Variants in PDE7A observed in about 807,000 individuals in gnomAD.
PDE7A encodes the protein phosphodiesterase 7A.
Under a neutral mutation model 64.3 loss-of-function variants are expected in PDE7A, and 39 were observed. The observed-to-expected ratio is 0.61, with a 90% CI of 0.47 to 0.79. PDE7A has a LOEUF of 0.79. Among genes scored for constraint, PDE7A ranks in the 30% least tolerant of loss-of-function variants. The pLI, the probability that PDE7A is intolerant of heterozygous loss-of-function variation, is 0.00. For synonymous variants in PDE7A, 203 were observed against 206.8 expected (o/e 0.98, Z 0.16); for missense variants, 470 against 582.8 (o/e 0.81, Z 1.99).
chr8:65,811,296 A>G (rs1159801920), intron 1 of PDE7A, among the ~76,000 whole-genome samples: 1 of 152,190 alleles, frequency 6.6e-6, no homozygotes, highest in East Asian at 1.9e-4. Flanking sequence ...CAATAGTGGG[A>G]AGATGTTACT....
intron 1 of PDE7A, among the ~76,000 whole-genome samples, chr8:65,791,235 T>C (rs911219044): frequency 6.6e-6 from 1 of 152,238 alleles, no homozygotes; most frequent in African/African-American, 2.4e-5. Flanking sequence ...TTCTACCATC[T>C]CAAAACTCTA....
intron 4 of PDE7A, among the ~76,000 whole-genome samples, chr8:65,746,610 T>C (rs1258508406): frequency 6.6e-6 from 1 of 152,184 alleles, no homozygotes; most frequent in East Asian, 1.9e-4. Context: ...AAAAAACTTA[T>C]ATTTTATATC....
At chr8:65,829,491 T>C (rs1415872713) in intron 1 of PDE7A, among the ~76,000 whole-genome samples, 1 of 152,060 alleles carries the variant, frequency 6.6e-6, no homozygotes, top group Non-Finnish European at 1.5e-5. Context: ...GCCACCCAAA[T>C]AATGTCCATT....
At chr8:65,772,983 G>C (rs893567723) in intron 3 of PDE7A, among the ~76,000 whole-genome samples, 19 of 152,130 alleles carry the variant, frequency 1.2e-4, no homozygotes, top group African/African-American at 4.1e-4. Context: ...ACTCCAGCCT[G>C]GGCGACAGAT....
chr8:65,767,275 C>T (rs954398789), intron 3 of PDE7A, among the ~76,000 whole-genome samples: 13 of 152,056 alleles, frequency 8.5e-5, no homozygotes, highest in Non-Finnish European at 1.2e-4. Context: ...ATAGTATGAA[C>T]GTTTATGGAT....
At chr8:65,818,768 A>T (rs1348565766) in intron 1 of PDE7A, among the ~76,000 whole-genome samples, 1 of 152,194 alleles carries the variant, frequency 6.6e-6, no homozygotes, top group Non-Finnish European at 1.5e-5. Flanking sequence ...CTCATCCAGG[A>T]ATATTCTTGC....
intron 5 of PDE7A, among the ~76,000 whole-genome samples, chr8:65,742,979 C>A (rs1585857073): frequency 6.6e-6 from 1 of 152,342 alleles, no homozygotes; most frequent in Non-Finnish European, 1.5e-5. Context: ...TCTGCCCATC[C>A]AGTGCACTGC....
chr8:65,823,098 T>C (rs1810582454), intron 1 of PDE7A, among the ~76,000 whole-genome samples: 1 of 152,218 alleles, frequency 6.6e-6, no homozygotes, highest in South Asian at 2.1e-4. Context: ...ACTTGAATCC[T>C]GCTCTAAGGT....
At chr8:65,798,297 C>T (rs141546416) in intron 1 of PDE7A, among the ~76,000 whole-genome samples, 8,602 of 149,866 alleles carry the variant, frequency 0.057, 353 homozygotes, top group Middle Eastern at 0.11. Flanking sequence ...GCAACCTCTA[C>T]CTCTCGGGTT....
intron 1 of PDE7A, among the ~76,000 whole-genome samples, chr8:65,798,179 C>CGCATATATATATATATATATAT (rs1809889977): frequency 8.4e-6 from 1 of 118,910 alleles, no homozygotes; most frequent in African/African-American, 3.7e-5. Context: ...TGTGTGTGTG[C>CGCATATATATATATATATATAT]ATATATATAT....
chr8:65,723,035 T>C (rs897309367), intron 12 of PDE7A: 1 of 152,498 alleles, frequency 6.6e-6, no homozygotes, highest in Non-Finnish European at 1.5e-5. Flanking sequence ...GCAAGATGGC[T>C]GCACAGCATT....
chr8:65,837,603 G>A (rs532285628), intron 1 of PDE7A, among the ~76,000 whole-genome samples: 2 of 152,196 alleles, frequency 1.3e-5, no homozygotes, highest in Non-Finnish European at 2.9e-5. Flanking sequence ...AGAAAGCAAA[G>A]GCGTCTCATC....
chr8:65,777,422 T>G (rs1809292375), intron 3 of PDE7A, among the ~76,000 whole-genome samples: 1 of 152,184 alleles, frequency 6.6e-6, no homozygotes, highest in South Asian at 2.1e-4. Context: ...GATTTTTCAC[T>G]GTTAAACCAA....
chr8:65,757,165 C>T (rs1448966080), intron 3 of PDE7A, among the ~76,000 whole-genome samples: 10 of 152,136 alleles, frequency 6.6e-5, no homozygotes, highest in Non-Finnish European at 1.5e-4. Context: ...GACCCACAAT[C>T]AGAAAAGTGG....
chr8:65,745,447 A>G lies in PDE7A; in HGVS notation c.459T>C (p.Asn153=). ...QAKCMLEKVG[N]WNFDIFLFDR... Reference sequence around the variant, plus strand: ...CAAATAGAAAGATATCAAAATTCCAATTTCCAACTTTTTCCAGCATACACT... The same window carrying G: ...CAAATAGAAAGATATCAAAATTCCAGTTTCCAACTTTTTCCAGCATACACT... The change falls in exon 5 of 13, where the codon AAT becomes AAC. Residue 153 remains asparagine (N), a synonymous_variant. Coordinates refer to ENST00000401827, the MANE Select transcript of PDE7A (RefSeq NM_001242318.3). 6 of 1,573,598 alleles carry G rather than the reference A, an allele frequency of 3.8e-6. No homozygotes were observed. The highest frequency in any genetic ancestry group is 1.3e-5 in the African/African-American group (1 of 74,256).
chr8:65,813,403 C>T (rs1177092782), intron 1 of PDE7A, among the ~76,000 whole-genome samples: 2 of 152,166 alleles, frequency 1.3e-5, no homozygotes, highest in East Asian at 1.9e-4. Flanking sequence ...AAATTACAGT[C>T]CATTCATAGA....
In PDE7A at chr8:65,841,869, G is replaced by A. The variant is rs1411092248; in HGVS notation, c.-361C>T. On this transcript the variant is annotated 5_prime_UTR_variant, in exon 1 of 13. Coordinates refer to ENST00000401827, the MANE Select transcript of PDE7A (RefSeq NM_001242318.3). ...GGTACCCGGACTGCAGAGTTCGAGCGCAGCACGAACGGAGCAAAGCAGTGC... is the reference window on the plus strand; with the variant it reads ...GGTACCCGGACTGCAGAGTTCGAGCACAGCACGAACGGAGCAAAGCAGTGC... 2 of 162,924 alleles carry A rather than the reference G, an allele frequency of 1.2e-5. No individual in the cohort carries two copies. The highest frequency in any genetic ancestry group is 2.7e-5 in the Non-Finnish European group (2 of 75,390). The allele number at this position is 162,924 out of a possible 1,614,324, so 10.1% of individuals were successfully genotyped here. A position where few individuals can be genotyped will look rare whatever the true frequency, so the allele number is the denominator to read the frequency against.
rs192458747 is a variant in PDE7A, at chr8:65,823,882, A to G, written c.138+17489T>C. ...CTAGTTAAGATCTGGCAGTACAAGT[A>G]GGACATTAAAAATAAGGCAAAAAAA... On this transcript the variant is annotated intron_variant, in intron 1 of 12. Coordinates refer to ENST00000401827, the MANE Select transcript of PDE7A (RefSeq NM_001242318.3). Among the ~76,000 whole-genome samples the G allele has an allele frequency of 2.5e-3, 375 of 152,308 alleles. 3 individuals are homozygous for G. Among genetic ancestry groups the G allele is most frequent in the African/African-American group, 8.7e-3 (361 of 41,576 alleles).
At chr8:65,734,078 A>C (rs187537620) in intron 7 of PDE7A, among the ~76,000 whole-genome samples, 1 of 152,306 alleles carries the variant, frequency 6.6e-6, no homozygotes, top group African/African-American at 2.4e-5. Context: ...ACTCTATACT[A>C]GACCTCTATA....
Sources: allele counts gnomAD v4.1 joint callset (sites outside exome capture counted in the v4.1 genomes callset), GRCh38; gene constraint gnomAD v4.1.1; transcripts MANE v1.5; gene names NCBI Gene and HGNC (gene_info 2026-07-23, HGNC 2026-07-21).